PCNX1: variants seen among roughly 807,000 people sequenced by gnomAD.
PCNX1 encodes the protein pecanex-like protein 1.
PCNX1 carries 78 observed loss-of-function variants against 242.2 expected under a neutral mutation model. That is an observed-to-expected ratio of 0.32 (90% CI 0.27 to 0.39). PCNX1 has a LOEUF of 0.39. Ranked by LOEUF, PCNX1 falls within the 10% of genes least tolerant of loss-of-function variation. The pLI is 1.00. For synonymous variants in PCNX1, 1,024 were observed against 1,032.9 expected (o/e 0.99, Z 0.17); for missense variants, 2,581 against 2,856.5 (o/e 0.90, Z 2.20).
intron 10 of PCNX1, chr14:71,011,765 G>A (rs2059827670): frequency 2.0e-6 from 1 of 497,692 alleles, no homozygotes; most frequent in Non-Finnish European, 3.5e-6. Flanking sequence ...CCCTGGCATA[G>A]AGTATTTTAA....
rs761858760 is a variant in PCNX1 at position 71,011,505 on chromosome 14, C to T, written c.2734C>T (p.His912Tyr). The change falls in exon 10 of 36, where the codon CAT (histidine) becomes TAT (tyrosine). Residue 912 changes from histidine (H) to tyrosine (Y), a missense_variant. Transcript: ENST00000304743. ...ATTTTATTTTAGTGACACAGATTCT[C>T]ATGTATCCAGTTCTACCTCAGTTCG... ...RASNICDTDS[H>Y]VSSSTSVRFY... The T allele has an allele frequency of 1.3e-6, 2 of 1,566,474 alleles. No homozygotes were observed. The highest frequency in any genetic ancestry group is 1.8e-6 in the Non-Finnish European group (2 of 1,138,750).
intron 7 of PCNX1, among the ~76,000 whole-genome samples, chr14:70,994,743 T>G (rs2059297534): frequency 6.6e-6 from 1 of 151,946 alleles, no homozygotes; most frequent in African/African-American, 2.4e-5. Context: ...TTCATGAGTT[T>G]TGTCAGTTTA....
intron 28 of PCNX1, among the ~76,000 whole-genome samples, chr14:71,077,836 G>A (rs1287392943): frequency 6.6e-6 from 1 of 152,184 alleles, no homozygotes; most frequent in East Asian, 1.9e-4. Flanking sequence ...TTGTTGGGGA[G>A]AGTAATGGGA....
chr14:71,057,755 A>G (rs2061220750), intron 26 of PCNX1, 31 bp downstream of exon 26: 1 of 1,425,866 alleles, frequency 7.0e-7, no homozygotes, highest in Non-Finnish European at 9.9e-7. Context: ...TTATTTCTGT[A>G]GCATACTCCT....
chr14:70,987,009 T>A (rs142464298), intron 6 of PCNX1, among the ~76,000 whole-genome samples: 26 of 152,332 alleles, frequency 1.7e-4, no homozygotes, highest in South Asian at 4.1e-4. Context: ...CAATTGTTCA[T>A]CTGATTTTTC....
At chr14:71,058,960 T>A (rs187109502) in intron 26 of PCNX1, among the ~76,000 whole-genome samples, 1 of 152,328 alleles carries the variant, frequency 6.6e-6, no homozygotes, top group East Asian at 1.9e-4. Flanking sequence ...ACTAGGCTCA[T>A]CCAAAAGTTA....
At chr14:70,949,103 T>C (rs59122223) in intron 2 of PCNX1, among the ~76,000 whole-genome samples, 5,207 of 145,634 alleles carry the variant, frequency 0.036, 282 homozygotes, top group African/African-American at 0.12. Context: ...TATACATACA[T>C]GTATATACGT....
At chr14:71,073,991 T>A (rs2061649578) in intron 27 of PCNX1, among the ~76,000 whole-genome samples, 193 bp downstream of exon 27, 1 of 152,244 alleles carries the variant, frequency 6.6e-6, no homozygotes, top group Admixed American at 6.5e-5. Flanking sequence ...CTTTGTTTAC[T>A]GGAATTCATT....
intron 13 of PCNX1, among the ~76,000 whole-genome samples, chr14:71,025,595 C>T (rs149867860): frequency 6.6e-5 from 10 of 152,040 alleles, no homozygotes; most frequent in African/African-American, 2.4e-4. Flanking sequence ...ATTACCCATT[C>T]CTATATCTAT....
chr14:70,990,268 T>A (rs112542813), intron 7 of PCNX1, among the ~76,000 whole-genome samples: 9,121 of 151,556 alleles, frequency 0.06, 305 homozygotes, highest in Middle Eastern at 0.078. Context: ...TAAAAAAAAA[T>A]AATAATAAAA....
chr14:71,050,860 A>C (rs2061007554), intron 23 of PCNX1, 100 bp downstream of exon 23: 2 of 1,106,332 alleles, frequency 1.8e-6, no homozygotes, highest in Admixed American at 4.6e-5. Context: ...TTTACTGTGT[A>C]ATGAATTATC....
intron 26 of PCNX1, among the ~76,000 whole-genome samples, chr14:71,068,587 C>CGTGTGT (rs905951215): frequency 1.4e-4 from 12 of 85,518 alleles, no homozygotes; most frequent in African/African-American, 5.6e-4. Flanking sequence ...TTTGTATGTA[C>CGTGTGT]GTGCGTGTGT....
At chr14:71,076,162 CTTT>C in intron 27 of PCNX1, 24 bp from the exon 28 acceptor site, 1 of 1,167,482 alleles carries the variant, frequency 8.6e-7, no homozygotes, top group African/African-American at 1.6e-5. Flanking sequence ...AATCTGAATT[CTTT>C]TTTTTTTGTC....
At chr14:70,951,247 T>A (rs945554277) in intron 2 of PCNX1, among the ~76,000 whole-genome samples, 1 of 152,188 alleles carries the variant, frequency 6.6e-6, no homozygotes, top group Non-Finnish European at 1.5e-5. Context: ...TGCTTCATCT[T>A]TCTGCCTTTT....
chr14:70,977,483 A>G lies in PCNX1; in HGVS notation c.1146A>G (p.Thr382=). 3 of 1,614,188 alleles carry G rather than the reference A, an allele frequency of 1.9e-6. No individual in the cohort carries two copies. The highest frequency in any genetic ancestry group is 2.5e-6 in the Non-Finnish European group (3 of 1,180,040). ...RSLSTRSSGS[T]ESYCSGTDRD... ...TGAGCACACGGAGTAGTGGGTCAAC[A>G]GAAAGCTACTGCAGTGGAACGGACC... Residue 382 remains threonine (T), a synonymous_variant, in exon 6 of 36, where the codon ACA becomes ACG. Transcript: ENST00000304743.
chr14:71,086,556 C>A lies in PCNX1; in HGVS notation c.5338-1774C>A, dbSNP rs141987179. Among the ~76,000 whole-genome samples the A allele has an allele frequency of 8.9e-3, 1,354 of 152,318 alleles. 9 individuals are homozygous for A. Among genetic ancestry groups the A allele is most frequent in the South Asian group, 0.017 (81 of 4,830 alleles). On this transcript the variant is annotated intron_variant, in intron 28 of 35. Coordinates refer to ENST00000304743, the MANE Select transcript of PCNX1 (RefSeq NM_014982.3). ...CTGTTAGTCTGGGGCTAATTCTTCC[C>A]CATGACCAAGACAATGCCATCCTGA... is the stretch of plus-strand genomic sequence containing the variant.
At chr14:70,935,445 C>A (rs1006389602) in intron 1 of PCNX1, among the ~76,000 whole-genome samples, 13 of 152,166 alleles carry the variant, frequency 8.5e-5, no homozygotes, top group Non-Finnish European at 1.8e-4. Flanking sequence ...GTTTTTGGCA[C>A]CCAGTTGGCC....
intron 5 of PCNX1, among the ~76,000 whole-genome samples, chr14:70,972,619 G>A (rs1464030083): frequency 6.6e-6 from 1 of 152,106 alleles, no homozygotes; most frequent in Non-Finnish European, 1.5e-5. Flanking sequence ...TTACTCCTCT[G>A]GTTTGGATTT....
chr14:71,038,257 C>A (rs2060602584), intron 19 of PCNX1, among the ~76,000 whole-genome samples: 1 of 80,068 alleles, frequency 1.2e-5, no homozygotes, highest in Non-Finnish European at 2.5e-5. Context: ...TTCTGCACAG[C>A]AAAAGAAACT....
Sources: allele counts gnomAD v4.1 joint callset (sites outside exome capture counted in the v4.1 genomes callset), GRCh38; gene constraint gnomAD v4.1.1; transcripts MANE v1.5; gene names NCBI Gene and HGNC (gene_info 2026-07-23, HGNC 2026-07-21).